RBFOX1: variants seen among roughly 807,000 people sequenced by gnomAD.
RBFOX1 encodes RNA binding protein fox-1 homolog 1.
Under a neutral mutation model 57.7 loss-of-function variants are expected in RBFOX1, and 8 were observed. The ratio of observed to expected loss-of-function variants is 0.14; its 90% CI spans 0.08 to 0.25. RBFOX1 has a LOEUF of 0.25. RBFOX1 is among the 10% of genes least tolerant of loss of function. RBFOX1 has a pLI of 1.00. For missense variants in RBFOX1, 611 were observed against 548.5 expected (o/e 1.11, Z -1.14); for synonymous variants, 326 against 222.4 (o/e 1.47, Z -4.15).
intron 4 of RBFOX1, among the ~76,000 whole-genome samples, chr16:5,934,751 A>T (rs2059134018): frequency 6.6e-6 from 1 of 152,232 alleles, no homozygotes; most frequent in Non-Finnish European, 1.5e-5. Context: ...TTAATTAATT[A>T]ATGTGGGGGA....
At chr16:6,803,690 T>C (rs1302915065) in intron 3 of RBFOX1, among the ~76,000 whole-genome samples, 1 of 152,236 alleles carries the variant, frequency 6.6e-6, no homozygotes, top group African/African-American at 2.4e-5. Context: ...GCAGATATTT[T>C]ACCAGACAGA....
intron 1 of RBFOX1, among the ~76,000 whole-genome samples, chr16:6,313,158 A>G (rs982136001): frequency 6.6e-6 from 1 of 152,150 alleles, no homozygotes; most frequent in African/African-American, 2.4e-5. Context: ...GGGAAAGTCC[A>G]TGGTGCTGGT....
At chr16:6,583,059 T>C (rs980471185) in intron 2 of RBFOX1, among the ~76,000 whole-genome samples, 5 of 151,816 alleles carry the variant, frequency 3.3e-5, no homozygotes, top group African/African-American at 1.2e-4. Context: ...TTCTCTTTGG[T>C]GTTCACTCCA....
At chr16:5,713,269 C>A (rs2151512943) in intron 3 of RBFOX1, among the ~76,000 whole-genome samples, 1 of 152,208 alleles carries the variant, frequency 6.6e-6, no homozygotes, top group Non-Finnish European at 1.5e-5. Context: ...TTGGATTCAT[C>A]CTCGGTAACC....
At chr16:5,700,062 G>T (rs1434865535) in intron 3 of RBFOX1, among the ~76,000 whole-genome samples, 2 of 152,124 alleles carry the variant, frequency 1.3e-5, no homozygotes, top group Non-Finnish European at 2.9e-5. Context: ...TCGATCTCCT[G>T]ACCTCATGAT....
At chr16:6,921,789 C>G (rs537977050) in intron 3 of RBFOX1, among the ~76,000 whole-genome samples, 28 of 98,298 alleles carry the variant, frequency 2.8e-4, no homozygotes, top group South Asian at 1.4e-3. Context: ...TGTATATGCA[C>G]ACACACATGA....
chr16:5,557,411 A>T (rs75055453), intron 2 of RBFOX1, among the ~76,000 whole-genome samples: 6,918 of 145,350 alleles, frequency 0.048, 190 homozygotes, highest in East Asian at 0.1. Flanking sequence ...GGGTCCCCAT[A>T]TGAAGCTTAT....
chr16:6,294,963 C>T (rs1054146259), intron 1 of RBFOX1, among the ~76,000 whole-genome samples: 9 of 152,072 alleles, frequency 5.9e-5, no homozygotes, highest in South Asian at 2.1e-4. Context: ...GTTATTCTTC[C>T]GGATTTTCAG....
intron 4 of RBFOX1, among the ~76,000 whole-genome samples, chr16:7,457,106 C>T (rs998359539): frequency 1.3e-5 from 2 of 151,966 alleles, no homozygotes; most frequent in South Asian, 2.1e-4. Flanking sequence ...AGGCTGGTCT[C>T]GAACTCCTGA....
intron 1 of RBFOX1, among the ~76,000 whole-genome samples, chr16:6,250,205 CT>C (rs954356761): frequency 7.9e-5 from 12 of 152,170 alleles, no homozygotes; most frequent in African/African-American, 2.9e-4. Flanking sequence ...CAGGGACTAT[CT>C]TTTTTTCCCT....
intron 10 of RBFOX1, among the ~76,000 whole-genome samples, chr16:7,609,105 GT>G (rs2056920107): frequency 6.6e-6 from 1 of 152,214 alleles, no homozygotes; most frequent in African/African-American, 2.4e-5. Flanking sequence ...CAGCTTCCAT[GT>G]GTCCGCAGCA....
At chr16:5,409,310 C>G (rs777877238) in intron 1 of RBFOX1, among the ~76,000 whole-genome samples, 3 of 152,192 alleles carry the variant, frequency 2.0e-5, no homozygotes, top group Admixed American at 6.5e-5. Context: ...CCAGGTGTGT[C>G]CACTCCTAGA....
intron 3 of RBFOX1, among the ~76,000 whole-genome samples, chr16:5,840,388 G>A (rs560510531): frequency 6.6e-6 from 1 of 152,250 alleles, no homozygotes; most frequent in Non-Finnish European, 1.5e-5. Flanking sequence ...CAGCGTCTGA[G>A]GGCGCATGAG....
At chr16:7,274,376 A>C (rs114785430) in intron 4 of RBFOX1, among the ~76,000 whole-genome samples, 3 of 152,166 alleles carry the variant, frequency 2.0e-5, no homozygotes, top group African/African-American at 7.2e-5. Context: ...TCAGAGATAC[A>C]CAATAAAGAA....
At chr16:6,263,296 A>C (rs1412518898) in intron 1 of RBFOX1, among the ~76,000 whole-genome samples, 3 of 152,124 alleles carry the variant, frequency 2.0e-5, no homozygotes, top group Non-Finnish European at 4.4e-5. Context: ...TCTAGCATAG[A>C]ATTGAATTTG....
At chr16:5,952,130 T>G (rs1292462892) in intron 4 of RBFOX1, among the ~76,000 whole-genome samples, 1 of 150,632 alleles carries the variant, frequency 6.6e-6, no homozygotes, top group Non-Finnish European at 1.5e-5. Flanking sequence ...CACACACATA[T>G]ATATATAGGT....
At chr16:7,130,063 A>G (rs1871256) in intron 4 of RBFOX1, among the ~76,000 whole-genome samples, 112,827 of 146,592 alleles carry the variant, frequency 0.77, 43,336 homozygotes, top group Middle Eastern at 0.84. Context: ...GACAGAGCCT[A>G]GCTCTGTCGC....
chr16:5,953,719 TATATATAA>T (rs957833287), intron 4 of RBFOX1, among the ~76,000 whole-genome samples: 39 of 140,442 alleles, frequency 2.8e-4, no homozygotes, highest in African/African-American at 1.1e-3. Flanking sequence ...TATATATATA[TATATATAA>T]AAAACACATT....
At chr16:6,578,331 T>C (rs1455527733) in intron 2 of RBFOX1, among the ~76,000 whole-genome samples, 3 of 152,130 alleles carry the variant, frequency 2.0e-5, no homozygotes, top group Non-Finnish European at 4.4e-5. Context: ...AGTGGGAAGT[T>C]AGCGAAGCAA....
Sources: gnomAD v4.1 joint callset for allele counts (sites outside exome capture counted in the v4.1 genomes callset) on GRCh38, gnomAD v4.1.1 for gene constraint, MANE v1.5 for transcripts, NCBI Gene and HGNC (gene_info 2026-07-23, HGNC 2026-07-21) for gene names.